CHSY1: variants seen among roughly 807,000 people sequenced by gnomAD.
CHSY1 encodes the protein chondroitin sulfate synthase 1.
CHSY1 carries 13 observed loss-of-function variants against 59.8 expected under a neutral mutation model. The ratio of observed to expected loss-of-function variants is 0.22; its 90% CI spans 0.14 to 0.35. CHSY1 has a LOEUF of 0.35. CHSY1 is among the 10% of genes least tolerant of loss of function. The probability of loss-of-function intolerance (pLI) is 1.00; values close to 1 mark genes in which losing one functional copy is unlikely to be tolerated. For missense variants in CHSY1, 947 were observed against 1,030.6 expected, an observed-to-expected ratio of 0.92 and a Z score of 1.11; for synonymous variants, 459 against 401.2, an observed-to-expected ratio of 1.14 and a Z score of -1.72.
chr15:101,209,501 A>G (rs1172968031), intron 2 of CHSY1, among the ~76,000 whole-genome samples: 2 of 152,224 alleles, frequency 1.3e-5, no homozygotes, highest in Non-Finnish European at 2.9e-5. Context: ...GTTTTAAGGA[A>G]AAAGGGTTAA....
chr15:101,225,426 A>C (rs1423738363), intron 2 of CHSY1, among the ~76,000 whole-genome samples: 3 of 152,166 alleles, frequency 2.0e-5, no homozygotes, highest in Non-Finnish European at 4.4e-5. Flanking sequence ...CCGTTGATAT[A>C]GTTTGGATAC....
At chr15:101,184,236 G>C (rs998803700) in intron 2 of CHSY1, among the ~76,000 whole-genome samples, 1 of 152,176 alleles carries the variant, frequency 6.6e-6, no homozygotes, top group African/African-American at 2.4e-5. Context: ...GTGTGCTAAG[G>C]GGGTGAACAT....
chr15:101,201,574 G>A (rs1218448612), intron 2 of CHSY1, among the ~76,000 whole-genome samples: 1 of 152,292 alleles, frequency 6.6e-6, no homozygotes, highest in South Asian at 2.1e-4. Context: ...GGGCAGTGGG[G>A]TGGGAGGAGA....
intron 2 of CHSY1, chr15:101,186,890 C>T (rs1298725228): frequency 6.6e-6 from 1 of 152,190 alleles, no homozygotes; most frequent in Non-Finnish European, 1.5e-5. Flanking sequence ...GAGGATCCGT[C>T]AAGGTAAAGA....
At chr15:101,184,383 AT>A (rs71287809) in intron 2 of CHSY1, among the ~76,000 whole-genome samples, 3,931 of 144,798 alleles carry the variant, frequency 0.027, 136 homozygotes, top group African/African-American at 0.087. Flanking sequence ...TATATATATA[AT>A]TTTTTTTTTT....
intron 2 of CHSY1, among the ~76,000 whole-genome samples, chr15:101,209,962 T>C (rs2038667924): frequency 6.6e-6 from 1 of 152,242 alleles, no homozygotes; most frequent in African/African-American, 2.4e-5. Context: ...TCTTTGAGGT[T>C]ACTACAAGTT....
At chr15:101,201,325 C>T (rs1051700174) in intron 2 of CHSY1, among the ~76,000 whole-genome samples, 4 of 152,294 alleles carry the variant, frequency 2.6e-5, no homozygotes, top group African/African-American at 9.6e-5. Flanking sequence ...ATTACTCCCC[C>T]GACCCTCAGC....
chr15:101,244,977 T>G (rs1428806562), intron 1 of CHSY1, among the ~76,000 whole-genome samples: 1 of 152,168 alleles, frequency 6.6e-6, no homozygotes, highest in African/African-American at 2.4e-5. Flanking sequence ...AGAGCTGCAT[T>G]TTAGACTTCT....
intron 2 of CHSY1, among the ~76,000 whole-genome samples, chr15:101,197,092 T>C (rs1192479823): frequency 1.3e-5 from 2 of 152,158 alleles, no homozygotes; most frequent in African/African-American, 4.8e-5. Context: ...CATTATGCAA[T>C]TTGAGATTTT....
intron 2 of CHSY1, among the ~76,000 whole-genome samples, chr15:101,181,967 G>T (rs2038286551): frequency 6.6e-6 from 1 of 152,152 alleles, no homozygotes; most frequent in South Asian, 2.1e-4. Context: ...GGAAGCTAGA[G>T]AAAAGAAAAT....
intron 2 of CHSY1, among the ~76,000 whole-genome samples, chr15:101,230,782 C>A (rs1328204816): frequency 6.6e-6 from 1 of 152,162 alleles, no homozygotes; most frequent in Non-Finnish European, 1.5e-5. Flanking sequence ...AAATCAGTAT[C>A]ACAGGTTTCA....
chr15:101,183,152 A>C (rs541427246), intron 2 of CHSY1, among the ~76,000 whole-genome samples: 8 of 152,306 alleles, frequency 5.3e-5, no homozygotes, highest in African/African-American at 1.7e-4. Context: ...ACGATAAAAA[A>C]AAACCAGACA....
Position 101,251,394 on chromosome 15 carries a change from C to T in CHSY1, c.63G>A (p.Val21=), listed in dbSNP as rs2039110293. The part of the protein sequence containing the change: ...SVLLGLVLGF[V]LASRLVLPRA... ...GGGGCAGGACGAGCCGCGAGGCCAG[C>T]ACGAAGCCCAGGACGAGCCCGAGCA... The change falls in exon 1 of 3, where the codon GTG becomes GTA. Residue 21 remains valine, a synonymous_variant. Coordinates refer to ENST00000254190, the MANE Select transcript of CHSY1 (RefSeq NM_014918.5). The T allele has an allele frequency of 5.1e-6, 6 of 1,167,948 alleles. No homozygotes were observed. Among genetic ancestry groups the T allele is most frequent in the Non-Finnish European group, 6.5e-6 (6 of 926,822 alleles). The allele number at this position is 1,167,948 out of a possible 1,614,324, so 72.3% of individuals were successfully genotyped here.
In CHSY1 at chr15:101,251,445, G is replaced by T. The variant is rs1483256883; in HGVS notation, c.12C>A (p.Arg4=). The change falls in exon 1 of 3, where the codon CGC becomes CGA. Residue 4 remains arginine (R), a synonymous_variant. Transcript: ENST00000254190. MAA[R]GRRAWLSVLL... ...GCACGCTGAGCCAGGCGCGCCGGCC[G>T]CGCGCGGCCATGCCCGCGCCGCTCC... The T allele has an allele frequency of 6.7e-6, 7 of 1,048,372 alleles. No individual in the cohort carries two copies. Among genetic ancestry groups the T allele is most frequent in the Non-Finnish European group, 6.9e-6 (6 of 865,758 alleles). 64.9% of individuals were successfully genotyped at this position (1,048,372 alleles called of 1,614,324 possible).
At chr15:101,235,010 A>G in intron 2 of CHSY1, 72 bp downstream of exon 2, 1 of 1,575,724 alleles carries the variant, frequency 6.3e-7, no homozygotes, top group Non-Finnish European at 8.6e-7. Flanking sequence ...CTAGTTTCCT[A>G]TGATACGCTC....
In CHSY1 at chr15:101,178,242, G is replaced by C. The variant is rs754947736; in HGVS notation, c.1555C>G (p.Leu519Val). The change falls in exon 3 of 3, where the codon CTC (leucine) becomes GTC (valine). Residue 519 changes from leucine (L) to valine (V), a missense_variant. Leu to Val is a conservative substitution (Grantham distance 32). Transcript: ENST00000254190. ...NSLKKLVPFQ[L>V]PGSKSEHKEP... ...TTGTGCTCACTCTTCGACCCAGGGA[G>C]CTGAAAGGGGACGAGCTTCTTCAGG... is the stretch of plus-strand genomic sequence containing the variant. 1 of 1,614,186 alleles carries C rather than the reference G, an allele frequency of 6.2e-7. No individual in the cohort carries two copies. Among genetic ancestry groups the C allele is most frequent in the African/African-American group, 1.3e-5 (1 of 75,066 alleles).
At chr15:101,200,867 T>C (rs963527244) in intron 2 of CHSY1, among the ~76,000 whole-genome samples, 1 of 152,146 alleles carries the variant, frequency 6.6e-6, no homozygotes, top group Non-Finnish European at 1.5e-5. Flanking sequence ...TTAGGTCTCC[T>C]CACATTCCAG....
Position 101,177,769 on chromosome 15 carries a change from G to C in CHSY1, c.2028C>G (p.Asp676Glu), listed in dbSNP as rs1473676799. 1 of 1,614,212 alleles carries C rather than the reference G, an allele frequency of 6.2e-7. No individual in the cohort carries two copies. The highest frequency in any genetic ancestry group is 1.3e-5 in the African/African-American group (1 of 75,052). ...KIVYSGKVPS[D>E]NHFAFTQKTG... ...TTTTCTGAGTAAAGGCAAAATGGTTGTCACTGGGAACTTTCCCACTATAAA... is the reference window on the plus strand; with the variant it reads ...TTTTCTGAGTAAAGGCAAAATGGTTCTCACTGGGAACTTTCCCACTATAAA... The change falls in exon 3 of 3, where the codon GAC (aspartate) becomes GAG (glutamate). Residue 676 changes from aspartate to glutamate, a missense_variant. Physicochemically the swap from Asp to Glu is conservative, Grantham distance 45. Around this residue, in one of 4 missense-constraint regions of CHSY1, gnomAD observed 602 missense variants for 676.9 expected, o/e 0.89. Coordinates refer to ENST00000254190, the MANE Select transcript of CHSY1 (RefSeq NM_014918.5).
Position 101,235,379 on chromosome 15 carries a change from G to A in CHSY1, c.519C>T (p.Asp173=), listed in dbSNP as rs143062356. ...KYEWFMRADD[D]VYIKGDRLEN... is the part of the protein sequence containing the mutation. The stretch of plus-strand genomic sequence containing the variant: ...CCAGACGGTCTCCTTTGATGTACAC[G>A]TCATCATCTGCTCTCATAAACCATT... Residue 173 remains aspartate (D), a synonymous_variant, in exon 2 of 3, where the codon GAC becomes GAT. Transcript: ENST00000254190. 157 of 1,614,016 alleles carry A rather than the reference G, an allele frequency of 9.7e-5. No individual in the cohort carries two copies. Among genetic ancestry groups the A allele is most frequent in the Middle Eastern group, 1.6e-4 (1 of 6,084 alleles).
Sources: gnomAD v4.1 joint callset for allele counts (sites outside exome capture counted in the v4.1 genomes callset) on GRCh38, gnomAD v4.1.1 for gene constraint, gnomAD v4.1.1 regional missense constraint, MANE v1.5 for transcripts, NCBI Gene and HGNC (gene_info 2026-07-23, HGNC 2026-07-21) for gene names.